DCC: variants seen among roughly 807,000 people sequenced by gnomAD.
DCC encodes the protein DCC netrin 1 receptor, also known as netrin receptor DCC.
DCC carries 58 observed loss-of-function variants against 172.5 expected under a neutral mutation model. That is an observed-to-expected ratio of 0.34 (90% confidence interval 0.27 to 0.42). The LOEUF is 0.42. Ranked by LOEUF, DCC falls within the 10% of genes least tolerant of loss-of-function variation. The pLI is 1.00. For synonymous variants in DCC, 709 were observed against 644.5 expected, an observed-to-expected ratio of 1.10 and a Z score of -1.52; for missense variants, 1,740 against 1,791.0, an observed-to-expected ratio of 0.97 and a Z score of 0.51.
intron 2 of DCC, among the ~76,000 whole-genome samples, chr18:52,792,573 C>T (rs2037791274): frequency 6.6e-6 from 1 of 152,164 alleles, no homozygotes; most frequent in South Asian, 2.1e-4. Context: ...AAACATGGCC[C>T]ATATGCCATA....
intron 14 of DCC, among the ~76,000 whole-genome samples, chr18:53,337,693 T>C (rs1197830015): frequency 6.6e-6 from 1 of 152,246 alleles, no homozygotes; most frequent in Admixed American, 6.5e-5. Context: ...GTGGCAACTT[T>C]AGAATCTTTT....
At chr18:52,666,332 C>A (rs9966348) in intron 1 of DCC, among the ~76,000 whole-genome samples, 26,820 of 151,928 alleles carry the variant, frequency 0.18, 2,648 homozygotes, top group Non-Finnish European at 0.23. Flanking sequence ...TTCATACAGA[C>A]TAACAATAGA....
chr18:53,511,518 C>T (rs1047344512), intron 27 of DCC, among the ~76,000 whole-genome samples: 8 of 152,198 alleles, frequency 5.3e-5, no homozygotes, highest in African/African-American at 1.9e-4. Context: ...ACGCAGAAGA[C>T]GGGTGATTTC....
intron 5 of DCC, among the ~76,000 whole-genome samples, chr18:53,009,203 T>A (rs2041691586): frequency 6.6e-6 from 1 of 151,982 alleles, no homozygotes; most frequent in African/African-American, 2.4e-5. Flanking sequence ...TCTTATTTAT[T>A]TAAAACTCAG....
chr18:52,913,613 A>C (rs185970453), intron 3 of DCC, among the ~76,000 whole-genome samples: 1 of 152,242 alleles, frequency 6.6e-6, no homozygotes, highest in East Asian at 1.9e-4. Context: ...AAAAGCAAAA[A>C]CAATGTATTT....
At chr18:52,785,728 A>G (rs1415393074) in intron 2 of DCC, among the ~76,000 whole-genome samples, 2 of 152,194 alleles carry the variant, frequency 1.3e-5, no homozygotes, top group South Asian at 4.1e-4. Context: ...TTTTTTGAAT[A>G]AGTGGCATTG....
At chr18:52,808,188 T>C (rs1055298348) in intron 2 of DCC, among the ~76,000 whole-genome samples, 1 of 152,210 alleles carries the variant, frequency 6.6e-6, no homozygotes, top group Non-Finnish European at 1.5e-5. Context: ...AGGAAGTGTT[T>C]AGGCACTATC....
chr18:52,607,476 C>T (rs901183142), intron 1 of DCC, among the ~76,000 whole-genome samples: 12 of 152,052 alleles, frequency 7.9e-5, no homozygotes, highest in Admixed American at 6.6e-5. Flanking sequence ...GACCATAGAG[C>T]GTACTTTTTG....
intron 15 of DCC, among the ~76,000 whole-genome samples, chr18:53,359,913 A>C (rs955778357): frequency 6.6e-6 from 1 of 152,294 alleles, no homozygotes; most frequent in African/African-American, 2.4e-5. Context: ...CTTCTTCTGC[A>C]TAATATCATT....
intron 12 of DCC, among the ~76,000 whole-genome samples, chr18:53,288,620 A>G (rs1445220136): frequency 6.6e-6 from 1 of 152,166 alleles, no homozygotes; most frequent in African/African-American, 2.4e-5. Context: ...AATTAAAATT[A>G]TAGCCAACTA....
At chr18:53,311,327 T>G (rs994010875) in intron 13 of DCC, among the ~76,000 whole-genome samples, 3 of 152,146 alleles carry the variant, frequency 2.0e-5, no homozygotes, top group Non-Finnish European at 4.4e-5. Context: ...TTCGCCATTT[T>G]GGCCAGGCTG....
intron 12 of DCC, among the ~76,000 whole-genome samples, chr18:53,274,079 G>A (rs758609247): frequency 3.3e-5 from 5 of 152,022 alleles, no homozygotes; most frequent in African/African-American, 4.8e-5. Context: ...AGGTGAAGGA[G>A]GGGGCAAAAC....
At position 52,346,260 on chromosome 18, in the gene DCC, G is replaced by A. The variant is rs117707144; in HGVS notation, c.91+5382G>A. On this transcript the variant is annotated intron_variant, in intron 1 of 28. Transcript: ENST00000442544. ...GTAATAGCAAAAAATAAAATGTAAA[G>A]TATTATGCACCTTTATCATTGCAGG... 6.7e-4 allele frequency among the ~76,000 whole-genome samples: 102 copies of A among 152,302 alleles called. 1 individual carries two copies. In the East Asian group the frequency reaches 0.018, roughly 27 times the overall value.
intron 2 of DCC, among the ~76,000 whole-genome samples, chr18:52,753,031 C>T (rs1236010651): frequency 6.6e-6 from 1 of 151,422 alleles, no homozygotes; most frequent in African/African-American, 2.4e-5. Context: ...TTTTCTTTAC[C>T]CATTCGTGAT....
chr18:53,313,057 GGAAAGGGT>G (rs1413973362), intron 13 of DCC, among the ~76,000 whole-genome samples: 1 of 147,394 alleles, frequency 6.8e-6, no homozygotes, highest in Non-Finnish European at 1.5e-5. Context: ...AGGGAGGGAA[GGAAAGGGT>G]GGAAAGGAAG....
chr18:53,134,838 C>A (rs1229687547), intron 7 of DCC, among the ~76,000 whole-genome samples: 2 of 152,148 alleles, frequency 1.3e-5, no homozygotes, highest in Admixed American at 6.6e-5. Context: ...CAGTCTTCAC[C>A]ATCAAATGCA....
chr18:53,119,017 A>G (rs1022416960), intron 7 of DCC, among the ~76,000 whole-genome samples: 3 of 151,864 alleles, frequency 2.0e-5, no homozygotes, highest in Non-Finnish European at 4.4e-5. Flanking sequence ...TCTACTGGTC[A>G]TTCCTCTGTG....
At chr18:52,806,656 T>A (rs1283651526) in intron 2 of DCC, among the ~76,000 whole-genome samples, 1 of 152,212 alleles carries the variant, frequency 6.6e-6, no homozygotes, top group African/African-American at 2.4e-5. Flanking sequence ...TTTCTGGGAA[T>A]GGGTAGAGAA....
In DCC at chr18:53,467,874, C is replaced by T. The variant is rs896561121; in HGVS notation, c.3620-20C>T. On this transcript the variant is annotated intron_variant, in intron 24 of 28. Transcript: ENST00000442544. Reference sequence around the variant, plus strand: ...GCATCCTTGAAGAGGGCATGTTTCTCAGGAGTGTGTATTTTTTAGGTCAAG... The same window carrying T: ...GCATCCTTGAAGAGGGCATGTTTCTTAGGAGTGTGTATTTTTTAGGTCAAG... The T allele has an allele frequency of 1.6e-6, 2 of 1,227,732 alleles. No individual in the cohort carries two copies. The highest frequency in any genetic ancestry group is 2.3e-5 in the East Asian group (1 of 43,130). The allele number at this position is 1,227,732 out of a possible 1,614,324, so 76.1% of individuals were successfully genotyped here. A position where few individuals can be genotyped will look rare whatever the true frequency, so the allele number is the denominator to read the frequency against.
Sources: gnomAD v4.1 joint callset for allele counts (sites outside exome capture counted in the v4.1 genomes callset) on GRCh38, gnomAD v4.1.1 for gene constraint, MANE v1.5 for transcripts, NCBI Gene and HGNC (gene_info 2026-07-23, HGNC 2026-07-21) for gene names.